Variants in GRID2 observed in about 807,000 individuals in gnomAD.
GRID2 encodes glutamate ionotropic receptor delta type subunit 2.
Under a neutral mutation model 114.8 loss-of-function variants are expected in GRID2, and 33 were observed. The observed-to-expected ratio is 0.29, with a 90% CI of 0.22 to 0.38. The LOEUF (loss-of-function observed/expected upper bound fraction) is 0.38, where lower values mean the gene tolerates loss of function less well. Ranked by LOEUF, GRID2 falls within the 10% of genes least tolerant of loss-of-function variation. The pLI, the probability that GRID2 is intolerant of heterozygous loss-of-function variation, is 1.00. For missense variants in GRID2, 1,184 were observed against 1,257.7 expected (o/e 0.94, Z 0.89); for synonymous variants, 505 against 449.9 (o/e 1.12, Z -1.55).
intron 2 of GRID2, among the ~76,000 whole-genome samples, chr4:92,737,655 A>T (rs539247805): frequency 3.9e-5 from 6 of 152,274 alleles, no homozygotes; most frequent in Admixed American, 3.9e-4. Flanking sequence ...GGTAACTATT[A>T]GAGTAAAATG....
intron 1 of GRID2, among the ~76,000 whole-genome samples, chr4:92,539,139 G>A (rs1725802073): frequency 6.6e-6 from 1 of 151,822 alleles, no homozygotes. Context: ...CCAAAGCAGG[G>A]GACTATATTT....
chr4:92,584,648 A>C (rs1341614775), intron 1 of GRID2, among the ~76,000 whole-genome samples: 1 of 152,016 alleles, frequency 6.6e-6, no homozygotes, highest in African/African-American at 2.4e-5. Context: ...GCTTAAAATA[A>C]ATGGATTTAA....
Position 92,482,024 on chromosome 4 carries a change from A to C in GRID2, c.89-108107A>C, listed in dbSNP as rs1389020880. ...TATATATATATATATATATATATAT[A>C]TATATATATAAAATAACAATACAAG... On this transcript the variant is annotated intron_variant, in intron 1 of 15. Coordinates refer to ENST00000282020, the MANE Select transcript of GRID2 (RefSeq NM_001510.4). 1.2e-4 allele frequency among the ~76,000 whole-genome samples: 8 copies of C among 69,426 alleles called. 1 individual carries two copies. The highest frequency in any genetic ancestry group is 4.4e-4 in the African/African-American group (8 of 18,000). The allele number at this position is 69,426 out of a possible 152,430, so 45.5% of individuals were successfully genotyped here. A position where few individuals can be genotyped will look rare whatever the true frequency, so the allele number is the denominator to read the frequency against.
chr4:92,808,240 C>T (rs913866904), intron 2 of GRID2, among the ~76,000 whole-genome samples: 3 of 151,874 alleles, frequency 2.0e-5, no homozygotes, highest in Non-Finnish European at 4.4e-5. Flanking sequence ...TATTTAACTC[C>T]ATAAGATCCA....
chr4:93,653,076 G>T (rs1425269351), intron 14 of GRID2, among the ~76,000 whole-genome samples: 1 of 152,136 alleles, frequency 6.6e-6, no homozygotes, highest in Non-Finnish European at 1.5e-5. Flanking sequence ...ATTATTAGTT[G>T]TCTGAGAGCA....
At chr4:93,078,609 C>G (rs1254025169) in intron 2 of GRID2, among the ~76,000 whole-genome samples, 1 of 148,246 alleles carries the variant, frequency 6.7e-6, no homozygotes. Flanking sequence ...GCTATGAAAT[C>G]TATCATTGAA....
chr4:92,484,113 G>A (rs1315098644), intron 1 of GRID2, among the ~76,000 whole-genome samples: 1 of 152,156 alleles, frequency 6.6e-6, no homozygotes, highest in Non-Finnish European at 1.5e-5. Context: ...TGGAGGGGGA[G>A]AAAGAAACAT....
At chr4:92,860,219 G>C (rs1266508718) in intron 2 of GRID2, among the ~76,000 whole-genome samples, 1 of 151,968 alleles carries the variant, frequency 6.6e-6, no homozygotes, top group Non-Finnish European at 1.5e-5. Flanking sequence ...CTACAGAGTT[G>C]AATAGAACGT....
At chr4:93,601,335 AC>A (rs1378290904) in intron 13 of GRID2, among the ~76,000 whole-genome samples, 1 of 152,138 alleles carries the variant, frequency 6.6e-6, no homozygotes, top group African/African-American at 2.4e-5. Context: ...CCTCTCCTAT[AC>A]ATCATATCCT....
At chr4:93,210,026 CA>C (rs1743269470) in intron 5 of GRID2, among the ~76,000 whole-genome samples, 2 of 152,146 alleles carry the variant, frequency 1.3e-5, no homozygotes, top group Admixed American at 6.5e-5. Flanking sequence ...GCATAGTTTG[CA>C]AAAATTTTCT....
At chr4:93,068,198 G>T (rs1441320340) in intron 2 of GRID2, among the ~76,000 whole-genome samples, 1 of 151,962 alleles carries the variant, frequency 6.6e-6, no homozygotes, top group Non-Finnish European at 1.5e-5. Flanking sequence ...TGTGAATAAT[G>T]GTAATGCAAA....
chr4:92,477,175 G>A (rs1486799201), intron 1 of GRID2, among the ~76,000 whole-genome samples: 8 of 151,670 alleles, frequency 5.3e-5, no homozygotes, highest in Non-Finnish European at 1.5e-5. Context: ...ATAATCAGCA[G>A]TGCAGGCACT....
At position 92,304,071 on chromosome 4, in the gene GRID2, T is replaced by TACCCCTCTTGGAGAGGGCTTTTTTCC. The variant is rs1725248692; in HGVS notation, c.-585_-560dup. On this transcript the variant is annotated 5_prime_UTR_variant, in exon 1 of 16. Coordinates refer to ENST00000282020, the MANE Select transcript of GRID2 (RefSeq NM_001510.4). Reference sequence around the variant, plus strand: ...GCATTACCTTGAAGTTCACTTTTTCTACCCCTCTTGGAGAGGGCTTTTTTC... The same window carrying TACCCCTCTTGGAGAGGGCTTTTTTCC: ...GCATTACCTTGAAGTTCACTTTTTCTACCCCTCTTGGAGAGGGCTTTTTTCCACCCCTCTTGGAGAGGGCTTTTTTC... 6.5e-6 allele frequency: 1 copy of TACCCCTCTTGGAGAGGGCTTTTTTCC among 154,908 alleles called. No individual in the cohort carries two copies. Among genetic ancestry groups the TACCCCTCTTGGAGAGGGCTTTTTTCC allele is most frequent in the African/African-American group, 2.4e-5 (1 of 41,488 alleles). The allele number at this position is 154,908 out of a possible 1,614,324, so 9.6% of individuals were successfully genotyped here.
intron 4 of GRID2, chr4:93,204,050 C>T (rs924135799): frequency 1.3e-5 from 2 of 152,140 alleles, no homozygotes; most frequent in Non-Finnish European, 2.9e-5. Flanking sequence ...CTAGCAGTTT[C>T]TACCACATGA....
At chr4:92,868,906 T>A (rs1578349517) in intron 2 of GRID2, among the ~76,000 whole-genome samples, 1 of 152,168 alleles carries the variant, frequency 6.6e-6, no homozygotes, top group East Asian at 1.9e-4. Context: ...AAATCTACTT[T>A]TTTCAAACAT....
At chr4:93,142,027 A>T (rs1735814145) in intron 4 of GRID2, among the ~76,000 whole-genome samples, 1 of 152,086 alleles carries the variant, frequency 6.6e-6, no homozygotes, top group Admixed American at 6.5e-5. Flanking sequence ...CCAGCCTGGG[A>T]AACATAGCAA....
intron 8 of GRID2, among the ~76,000 whole-genome samples, chr4:93,289,151 A>G (rs945696190): frequency 3.4e-4 from 51 of 152,180 alleles, no homozygotes; most frequent in African/African-American, 1.2e-3. Flanking sequence ...GTTTTGTACA[A>G]AACTGGTAAA....
chr4:92,806,149 TTA>T (rs1398177020), intron 2 of GRID2, among the ~76,000 whole-genome samples: 10 of 148,500 alleles, frequency 6.7e-5, no homozygotes, highest in African/African-American at 2.3e-4. Context: ...GTCAAATCTA[TTA>T]GAAAATAGGC....
intron 4 of GRID2, among the ~76,000 whole-genome samples, chr4:93,149,620 A>C (rs769387405): frequency 5.9e-5 from 9 of 151,920 alleles, no homozygotes; most frequent in Non-Finnish European, 1.2e-4. Flanking sequence ...TTTAGCTTCA[A>C]GAAAAGCTTT....
Sources: allele counts gnomAD v4.1 joint callset (sites outside exome capture counted in the v4.1 genomes callset), GRCh38; gene constraint gnomAD v4.1.1; transcripts MANE v1.5; gene names NCBI Gene and HGNC (gene_info 2026-07-23, HGNC 2026-07-21).